ICE2: variants seen among roughly 807,000 people sequenced by gnomAD.
ICE2 encodes the protein interactor of little elongation complex ELL subunit 2, also known as little elongation complex subunit 2.
ICE2 carries 87 observed loss-of-function variants against 105.4 expected under a neutral mutation model. The ratio of observed to expected loss-of-function variants is 0.83; its 90% confidence interval spans 0.69 to 0.99. ICE2 has a LOEUF of 0.99. ICE2 is among the 50% of genes least tolerant of loss of function. The pLI is 0.00. For missense variants in ICE2, 1,323 were observed against 1,146.7 expected, an observed-to-expected ratio of 1.15 and a Z score of -2.22; for synonymous variants, 399 against 392.0, an observed-to-expected ratio of 1.02 and a Z score of -0.21.
At chr15:60,456,268 T>C (rs2064108813) in intron 6 of ICE2, among the ~76,000 whole-genome samples, 1 of 150,864 alleles carries the variant, frequency 6.6e-6, no homozygotes, top group South Asian at 2.1e-4. Flanking sequence ...ATGAGCCAGG[T>C]GCAGTGGCTC....
chr15:60,452,286 T>C, intron 9 of ICE2: 6 of 899,294 alleles, frequency 6.7e-6, no homozygotes, highest in Non-Finnish European at 8.0e-6. Context: ...CTTAAAATTG[T>C]ATGAGCTCTT....
At chr15:60,472,167 T>C (rs541047728) in intron 3 of ICE2, among the ~76,000 whole-genome samples, 1 of 152,262 alleles carries the variant, frequency 6.6e-6, no homozygotes, top group Non-Finnish European at 1.5e-5. Flanking sequence ...ATAATTTTTT[T>C]TCATGCTTCA....
intron 1 of ICE2, 67 bp downstream of exon 1, chr15:60,478,936 G>A (rs1294320920): frequency 2.2e-6 from 1 of 455,482 alleles, no homozygotes; most frequent in Non-Finnish European, 4.4e-6. Flanking sequence ...CCCTGCATGA[G>A]CACGCCCGCT....
intron 5 of ICE2, among the ~76,000 whole-genome samples, chr15:60,458,812 T>C (rs539492269): frequency 7.2e-5 from 11 of 152,212 alleles, no homozygotes; most frequent in Non-Finnish European, 1.6e-4. Context: ...TGCTACTACT[T>C]GGACAAATCT....
intron 11 of ICE2, among the ~76,000 whole-genome samples, chr15:60,443,644 T>C (rs994280299): frequency 6.6e-6 from 1 of 152,194 alleles, no homozygotes; most frequent in Non-Finnish European, 1.5e-5. Flanking sequence ...ATACTTTCAG[T>C]AGGTAAGGCC....
chr15:60,446,515 C>A (rs916382632), intron 11 of ICE2, among the ~76,000 whole-genome samples: 12 of 152,184 alleles, frequency 7.9e-5, no homozygotes, highest in African/African-American at 2.7e-4. Flanking sequence ...CCAGCCTCAG[C>A]CTCCCACGTA....
chr15:60,428,993 T>G (rs1055444206), intron 14 of ICE2, among the ~76,000 whole-genome samples: 1 of 152,224 alleles, frequency 6.6e-6, no homozygotes, highest in Non-Finnish European at 1.5e-5. Context: ...ATCCATAGAT[T>G]AGATATTTAT....
At chr15:60,446,545 G>A (rs1439144771) in intron 11 of ICE2, among the ~76,000 whole-genome samples, 1 of 152,104 alleles carries the variant, frequency 6.6e-6, no homozygotes, top group African/African-American at 2.4e-5. Flanking sequence ...ACAGGCGCCT[G>A]CCACCATACC....
At chr15:60,433,365 C>A (rs1455973940) in intron 13 of ICE2, among the ~76,000 whole-genome samples, 1 of 152,042 alleles carries the variant, frequency 6.6e-6, no homozygotes, top group East Asian at 1.9e-4. Context: ...GGATTACAGG[C>A]ATGAGCTACC....
At chr15:60,456,619 A>AC in intron 6 of ICE2, 38 bp downstream of exon 6, 1 of 1,364,816 alleles carries the variant, frequency 7.3e-7, no homozygotes, top group East Asian at 2.8e-5. Context: ...ACTATTTCAG[A>AC]CAAAAAAAAG....
rs1476363949 is a variant in ICE2, at chr15:60,430,025, T to C, written c.2562-1338A>G. On this transcript the variant is annotated intron_variant, in intron 14 of 15. Transcript: ENST00000261520. Reference sequence around the variant, plus strand: ...AGCTATGGTAGACAGAATAGTGGCCTCCTAGAAATGTTTATGTTCCAAACC... The same window carrying C: ...AGCTATGGTAGACAGAATAGTGGCCCCCTAGAAATGTTTATGTTCCAAACC... Among the ~76,000 whole-genome samples the C allele has an allele frequency of 2.6e-5, 4 of 152,292 alleles. No individual in the cohort carries two copies. The East Asian group carries it at 7.7e-4, about 29-fold the overall frequency.
chr15:60,455,317 G>C lies in ICE2; in HGVS notation c.783+9C>G, dbSNP rs771425812. On this transcript the variant is annotated intron_variant, in intron 7 of 15. Transcript: ENST00000261520. ...ATTTAGGAAGATCCAATGTTGCCTTGGTACTTACATAATGCATAGCTTCAG... is the reference window on the plus strand; with the variant it reads ...ATTTAGGAAGATCCAATGTTGCCTTCGTACTTACATAATGCATAGCTTCAG... The C allele has an allele frequency of 9.9e-5, 157 of 1,593,622 alleles. No individual in the cohort carries two copies. In the Admixed American group the frequency reaches 2.6e-3, roughly 27 times the overall value.
chr15:60,435,593 C>CT (rs199501883), intron 13 of ICE2, among the ~76,000 whole-genome samples: 3,360 of 65,508 alleles, frequency 0.051, 218 homozygotes, highest in Admixed American at 0.29. Context: ...GAGCAAAACT[C>CT]TGTCTCAAAA....
chr15:60,463,156 G>C (rs1362598525), intron 5 of ICE2, among the ~76,000 whole-genome samples: 1 of 152,196 alleles, frequency 6.6e-6, no homozygotes, highest in African/African-American at 2.4e-5. Flanking sequence ...TGAGGTGTAT[G>C]CATCTTTAAT....
chr15:60,455,652 C>T (rs936807623), intron 6 of ICE2, among the ~76,000 whole-genome samples: 2 of 151,310 alleles, frequency 1.3e-5, no homozygotes, highest in African/African-American at 2.4e-5. Flanking sequence ...AAGTCTCACT[C>T]TGTTGCCCAG....
intron 13 of ICE2, among the ~76,000 whole-genome samples, 192 bp from the exon 14 acceptor site, chr15:60,432,176 A>C (rs1166014846): frequency 6.9e-6 from 1 of 143,888 alleles, no homozygotes; most frequent in African/African-American, 2.6e-5. Flanking sequence ...TTTAAAAAAA[A>C]TTTCCTTTTT....
intron 13 of ICE2, among the ~76,000 whole-genome samples, chr15:60,432,992 A>G (rs1350757287): frequency 6.6e-6 from 1 of 152,174 alleles, no homozygotes; most frequent in Non-Finnish European, 1.5e-5. Flanking sequence ...ATGGTGGTGA[A>G]TGAGCTTCCA....
At chr15:60,458,697 A>G (rs903340162) in intron 5 of ICE2, among the ~76,000 whole-genome samples, 1 of 152,152 alleles carries the variant, frequency 6.6e-6, no homozygotes, top group Admixed American at 6.5e-5. Flanking sequence ...GTGTTTATCA[A>G]TGGATGAACA....
At position 60,423,005 on chromosome 15, in the gene ICE2, A is replaced by G. The variant is rs1448092619; in HGVS notation, c.*629T>C. 1 of 152,614 alleles carries G rather than the reference A, an allele frequency of 6.6e-6. No homozygotes were observed. The highest frequency in any genetic ancestry group is 1.5e-5 in the Non-Finnish European group (1 of 68,038). The allele number at this position is 152,614 out of a possible 1,614,324, so 9.5% of individuals were successfully genotyped here. Reference sequence around the variant, plus strand: ...CATCTGTCATCAAACATGTTATACCACCAAATTTTTTCTTTTATTAAACAA... The same window carrying G: ...CATCTGTCATCAAACATGTTATACCGCCAAATTTTTTCTTTTATTAAACAA... On this transcript the variant is annotated 3_prime_UTR_variant, in exon 16 of 16. Coordinates refer to ENST00000261520, the MANE Select transcript of ICE2 (RefSeq NM_024611.6).
Sources: gnomAD v4.1 joint callset for allele counts (sites outside exome capture counted in the v4.1 genomes callset) on GRCh38, gnomAD v4.1.1 for gene constraint, MANE v1.5 for transcripts, NCBI Gene and HGNC (gene_info 2026-07-23, HGNC 2026-07-21) for gene names.